The following THSD7A variants were observed in gnomAD, a reference collection of about 807,000 sequenced individuals.
THSD7A encodes thrombospondin type 1 domain containing 7A.
Under a neutral mutation model 231.3 loss-of-function variants are expected in THSD7A, and 96 were observed. The ratio of observed to expected loss-of-function variants is 0.41; its 90% CI spans 0.35 to 0.49. THSD7A has a LOEUF of 0.49. Ranked by LOEUF, THSD7A falls within the 20% of genes least tolerant of loss-of-function variation. THSD7A has a pLI of 0.05. For synonymous variants in THSD7A, 940 were observed against 743.3 expected, an observed-to-expected ratio of 1.26 and a Z score of -4.30; for missense variants, 2,290 against 2,070.2, an observed-to-expected ratio of 1.11 and a Z score of -2.06.
chr7:11,726,280 C>A (rs1583229293), intron 1 of THSD7A, among the ~76,000 whole-genome samples: 2 of 151,722 alleles, frequency 1.3e-5, no homozygotes, highest in African/African-American at 4.8e-5. Context: ...AGAAAATGAA[C>A]CTTTCTATTA....
chr7:11,744,271 C>T (rs74335314), intron 1 of THSD7A, among the ~76,000 whole-genome samples: 4,087 of 151,844 alleles, frequency 0.027, 204 homozygotes, highest in African/African-American at 0.094. Context: ...GAGATACATA[C>T]TGACTGATGT....
chr7:11,698,491 C>G (rs1381998118), intron 1 of THSD7A, among the ~76,000 whole-genome samples: 2 of 151,386 alleles, frequency 1.3e-5, no homozygotes, highest in Non-Finnish European at 3.0e-5. Flanking sequence ...TTAGCTACAG[C>G]TGACAGATGT....
chr7:11,717,212 G>A (rs1781170324), intron 1 of THSD7A, among the ~76,000 whole-genome samples: 1 of 151,710 alleles, frequency 6.6e-6, no homozygotes, highest in African/African-American at 2.4e-5. Flanking sequence ...AAAGGTGATA[G>A]TCTCAGGCAG....
At chr7:11,792,838 A>G (rs1441924248) in intron 1 of THSD7A, among the ~76,000 whole-genome samples, 4 of 151,982 alleles carry the variant, frequency 2.6e-5, no homozygotes, top group Non-Finnish European at 5.9e-5. Context: ...GCAGCACAGA[A>G]GGAGCCATAC....
At chr7:11,714,177 A>G (rs1260718954) in intron 1 of THSD7A, among the ~76,000 whole-genome samples, 1 of 151,220 alleles carries the variant, frequency 6.6e-6, no homozygotes, top group African/African-American at 2.4e-5. Flanking sequence ...AAACCTCTAA[A>G]TGTGTTAATA....
intron 1 of THSD7A, among the ~76,000 whole-genome samples, chr7:11,783,361 A>G (rs1783691865): frequency 6.6e-6 from 1 of 152,174 alleles, no homozygotes; most frequent in South Asian, 2.1e-4. Context: ...ACTGAAAGTG[A>G]AAAACAGAAT....
rs564154033 is a variant in THSD7A, at chr7:11,646,966, C to T, written c.191-10005G>A. 2.0e-5 allele frequency among the ~76,000 whole-genome samples: 3 copies of T among 152,138 alleles called. No homozygotes were observed. In the East Asian group the frequency reaches 5.8e-4, roughly 29 times the overall value. ...ATAAAATTGTCCACTGCTATAGGTGCCTGGTTATGACTTTGTGGGACCTTC... is the reference window on the plus strand; with the variant it reads ...ATAAAATTGTCCACTGCTATAGGTGTCTGGTTATGACTTTGTGGGACCTTC... On this transcript the variant is annotated intron_variant, in intron 1 of 27. Coordinates refer to ENST00000423059, the MANE Select transcript of THSD7A (RefSeq NM_015204.3).
At position 11,708,587 on chromosome 7, in the gene THSD7A, AT is replaced by A. The variant is rs576576966; in HGVS notation, c.191-71627del. Among the ~76,000 whole-genome samples, 224 of 150,892 alleles carry A rather than the reference AT, an allele frequency of 1.5e-3. 2 individuals carry two copies. The Middle Eastern group carries it at 0.02, about 14-fold the overall frequency. Reference sequence around the variant, plus strand: ...GGAATTAGGTTTTCTCTGCTGTAACATGTAAATTTTTGAGTAGATTATCTTT... The same window carrying A: ...GGAATTAGGTTTTCTCTGCTGTAACAGTAAATTTTTGAGTAGATTATCTTT... On this transcript the variant is annotated intron_variant, in intron 1 of 27. Coordinates refer to ENST00000423059, the MANE Select transcript of THSD7A (RefSeq NM_015204.3).
At chr7:11,798,815 A>G (rs1784199213) in intron 1 of THSD7A, among the ~76,000 whole-genome samples, 1 of 152,218 alleles carries the variant, frequency 6.6e-6, no homozygotes, top group South Asian at 2.1e-4. Context: ...ACAGTACTCT[A>G]TAAAGGTGGG....
At chr7:11,469,214 G>C (rs990135047) in intron 9 of THSD7A, among the ~76,000 whole-genome samples, 2 of 152,162 alleles carry the variant, frequency 1.3e-5, no homozygotes, top group Non-Finnish European at 2.9e-5. Context: ...AATTTGCTCA[G>C]TTATTGCATA....
At chr7:11,588,573 C>T (rs990164275) in intron 4 of THSD7A, among the ~76,000 whole-genome samples, 2 of 152,030 alleles carry the variant, frequency 1.3e-5, no homozygotes, top group Non-Finnish European at 2.9e-5. Flanking sequence ...CCTTCTTTTT[C>T]TGTGACTGTT....
chr7:11,601,203 C>A (rs540741948), intron 2 of THSD7A, among the ~76,000 whole-genome samples: 1 of 151,934 alleles, frequency 6.6e-6, no homozygotes, highest in Non-Finnish European at 1.5e-5. Context: ...ATACATTATC[C>A]TCTTTTTCAT....
intron 6 of THSD7A, among the ~76,000 whole-genome samples, chr7:11,521,696 C>T (rs1164551146): frequency 1.1e-5 from 1 of 93,176 alleles, no homozygotes; most frequent in Non-Finnish European, 2.0e-5. Flanking sequence ...CCTCCCCCCT[C>T]CCCCGACCCC....
chr7:11,640,947 C>A (rs1193138929), intron 1 of THSD7A, among the ~76,000 whole-genome samples: 1 of 152,030 alleles, frequency 6.6e-6, no homozygotes, highest in South Asian at 2.1e-4. Context: ...TTTTCTCAAC[C>A]AAGAACATTT....
chr7:11,461,891 C>T, intron 10 of THSD7A, 120 bp downstream of exon 10: 1 of 1,303,190 alleles, frequency 7.7e-7, no homozygotes, highest in Non-Finnish European at 1.0e-6. Flanking sequence ...CCATAAACAT[C>T]CCAACTCCAT....
chr7:11,478,738 A>G lies in THSD7A; in HGVS notation c.2017+3050T>C, dbSNP rs187347059. 8.8e-4 allele frequency among the ~76,000 whole-genome samples: 134 copies of G among 152,284 alleles called. 1 individual carries two copies. The highest frequency in any genetic ancestry group is 3.0e-3 in the African/African-American group (126 of 41,572). On this transcript the variant is annotated intron_variant, in intron 7 of 27. Coordinates refer to ENST00000423059, the MANE Select transcript of THSD7A (RefSeq NM_015204.3). The stretch of plus-strand genomic sequence containing the variant: ...ATCCTAACATTTTCACAATGTTAGG[A>G]GCCCTGTTTTATCTACTGGATTGGG...
chr7:11,429,052 G>T lies in THSD7A; in HGVS notation c.3138C>A (p.Arg1046=). Residue 1046 remains arginine (R), a synonymous_variant, in exon 14 of 28, where the codon CGC becomes CGA. Coordinates refer to ENST00000423059, the MANE Select transcript of THSD7A (RefSeq NM_015204.3). The part of the protein sequence containing the change: ...CKLSEWSNWS[R]CSKSCGSGVK... ...CACCACTCCCACAGGACTTGCTGCA[G>T]CGCGACCAGTTGGACCACTCACTGA... 2.5e-6 allele frequency: 4 copies of T among 1,613,284 alleles called. No homozygotes were observed. Among genetic ancestry groups the T allele is most frequent in the East Asian group, 2.2e-5 (1 of 44,842 alleles).
intron 1 of THSD7A, among the ~76,000 whole-genome samples, chr7:11,721,585 G>T (rs947646891): frequency 2.0e-5 from 3 of 151,728 alleles, no homozygotes; most frequent in Non-Finnish European, 2.9e-5. Context: ...TTATAGCAAT[G>T]TGAGAACGGA....
intron 1 of THSD7A, among the ~76,000 whole-genome samples, chr7:11,732,529 T>C (rs1347575583): frequency 6.6e-6 from 1 of 151,858 alleles, no homozygotes. Context: ...CGTTTTAGAA[T>C]GAATTGTATT....
Sources: allele counts gnomAD v4.1 joint callset (sites outside exome capture counted in the v4.1 genomes callset), GRCh38; gene constraint gnomAD v4.1.1; transcripts MANE v1.5; gene names NCBI Gene and HGNC (gene_info 2026-07-23, HGNC 2026-07-21).